ZFAT: variants seen among roughly 807,000 people sequenced by gnomAD.
ZFAT encodes the protein zinc finger protein ZFAT.
In ZFAT, 64 loss-of-function variants were observed where a neutral mutation model predicts 117.7. The ratio of observed to expected loss-of-function variants is 0.54; its 90% CI spans 0.44 to 0.67. The LOEUF (loss-of-function observed/expected upper bound fraction) is 0.67. ZFAT is among the 30% of genes least tolerant of loss of function. ZFAT has a pLI of 0.00. For synonymous variants in ZFAT, 679 were observed against 615.0 expected (o/e 1.10, Z -1.54); for missense variants, 1,433 against 1,584.5 (o/e 0.90, Z 1.62).
intron 3 of ZFAT, among the ~76,000 whole-genome samples, chr8:134,621,401 A>G (rs1030737714): frequency 2.0e-5 from 3 of 152,182 alleles, no homozygotes; most frequent in Non-Finnish European, 2.9e-5. Context: ...CAGTTTACAA[A>G]GCACTGTCTT....
At chr8:134,586,015 C>A (rs1826042725) in intron 9 of ZFAT, among the ~76,000 whole-genome samples, 1 of 151,800 alleles carries the variant, frequency 6.6e-6, no homozygotes, top group South Asian at 2.1e-4. Flanking sequence ...ATTTGTTTTT[C>A]TTGTCCTATG....
chr8:134,808,327 A>G, the ZFAT span, among the ~76,000 whole-genome samples: 1 of 152,170 alleles, frequency 6.6e-6, no homozygotes, highest in African/African-American at 2.4e-5. Flanking sequence ...GAGACCAGAG[A>G]CTCAGCCTCC....
At chr8:134,493,224 AC>A (rs1310393570) in intron 15 of ZFAT, among the ~76,000 whole-genome samples, 1 of 152,098 alleles carries the variant, frequency 6.6e-6, no homozygotes, top group African/African-American at 2.4e-5. Flanking sequence ...ACCGGCCAAC[AC>A]AGCTGCAACC....
At chr8:134,676,255 CAAAAA>C (rs146638821) in intron 1 of ZFAT, among the ~76,000 whole-genome samples, 6 of 80,598 alleles carry the variant, frequency 7.4e-5, no homozygotes, top group South Asian at 4.8e-4. Context: ...AAATGGAAAG[CAAAAA>C]AAAAAAAAAA....
At chr8:134,649,954 G>A (rs1206126335) in intron 2 of ZFAT, among the ~76,000 whole-genome samples, 1 of 152,038 alleles carries the variant, frequency 6.6e-6, no homozygotes, top group Non-Finnish European at 1.5e-5. Context: ...AAGATCTGAT[G>A]GGTTTATAAT....
At chr8:134,682,258 T>C (rs555107915) in intron 1 of ZFAT, among the ~76,000 whole-genome samples, 1 of 152,336 alleles carries the variant, frequency 6.6e-6, no homozygotes, top group Non-Finnish European at 1.5e-5. Flanking sequence ...AGCACGGATA[T>C]TTTACATACC....
At chr8:134,558,306 C>A (rs901374315) in intron 11 of ZFAT, among the ~76,000 whole-genome samples, 2 of 152,200 alleles carry the variant, frequency 1.3e-5, no homozygotes, top group Non-Finnish European at 2.9e-5. Flanking sequence ...ATGGGCCAAG[C>A]CTTCCCAAAG....
At chr8:134,821,270 CA>C in the ZFAT span, among the ~76,000 whole-genome samples, 4 of 149,886 alleles carry the variant, frequency 2.7e-5, no homozygotes, top group African/African-American at 9.8e-5. Flanking sequence ...AAGTAATTCA[CA>C]TGAAAAAAAG....
chr8:134,685,550 G>A (rs1373652439), intron 1 of ZFAT, among the ~76,000 whole-genome samples: 2 of 152,162 alleles, frequency 1.3e-5, no homozygotes, highest in Non-Finnish European at 2.9e-5. Flanking sequence ...GAAAATAACA[G>A]TATGCCAGAT....
intron 10 of ZFAT, among the ~76,000 whole-genome samples, chr8:134,578,170 T>A (rs1825450165): frequency 6.6e-6 from 1 of 152,004 alleles, no homozygotes; most frequent in Non-Finnish European, 1.5e-5. Flanking sequence ...CACAGCACTC[T>A]GGGAGGCTGA....
intron 13 of ZFAT, among the ~76,000 whole-genome samples, chr8:134,519,005 CT>C (rs1820446878): frequency 6.6e-6 from 1 of 152,170 alleles, no homozygotes; most frequent in African/African-American, 2.4e-5. Context: ...ATTAAACCAT[CT>C]GTTCATGCAC....
intron 1 of ZFAT, among the ~76,000 whole-genome samples, chr8:134,665,875 G>A (rs1462979819): frequency 6.6e-6 from 1 of 152,204 alleles, no homozygotes; most frequent in Non-Finnish European, 1.5e-5. Flanking sequence ...AGGTCCTGCA[G>A]GCTGGGCTTG....
the ZFAT span, among the ~76,000 whole-genome samples, chr8:134,780,277 A>G: frequency 1.3e-5 from 2 of 152,228 alleles, no homozygotes; most frequent in African/African-American, 4.8e-5. Flanking sequence ...AGAGGCAACC[A>G]GTGTGAATGT....
At chr8:134,667,002 T>G (rs913288439) in intron 1 of ZFAT, among the ~76,000 whole-genome samples, 2 of 152,060 alleles carry the variant, frequency 1.3e-5, no homozygotes, top group African/African-American at 4.8e-5. Context: ...TGGATGAAGG[T>G]GGAAACCATC....
intron 1 of ZFAT, among the ~76,000 whole-genome samples, chr8:134,707,943 C>T (rs1235700332): frequency 6.6e-6 from 1 of 152,228 alleles, no homozygotes; most frequent in East Asian, 1.9e-4. Flanking sequence ...GAATCGGCCT[C>T]AGTGGCCAAC....
intron 1 of ZFAT, among the ~76,000 whole-genome samples, chr8:134,661,430 G>T (rs1357741822): frequency 1.3e-5 from 2 of 152,226 alleles, no homozygotes; most frequent in South Asian, 4.1e-4. Context: ...GAGGCCCCAC[G>T]TGCCTGAGCT....
At chr8:134,785,851 G>C in the ZFAT span, 1 of 151,818 alleles carries the variant, frequency 6.6e-6, no homozygotes, top group Non-Finnish European at 1.5e-5. Context: ...AAGTTTTGTT[G>C]AGAATTTGAT....
chr8:134,721,374 C>T, the ZFAT span, among the ~76,000 whole-genome samples: 1 of 152,196 alleles, frequency 6.6e-6, no homozygotes, highest in Non-Finnish European at 1.5e-5. Context: ...ACCACTGATG[C>T]TGCTGTAAGA....
chr8:134,563,581 A>G (rs1163611884), intron 11 of ZFAT, among the ~76,000 whole-genome samples: 4 of 152,234 alleles, frequency 2.6e-5, no homozygotes, highest in Non-Finnish European at 4.4e-5. Context: ...AGGTGAGTCA[A>G]TATCATCATG....
Sources: gnomAD v4.1 joint callset for allele counts (sites outside exome capture counted in the v4.1 genomes callset) on GRCh38, gnomAD v4.1.1 for gene constraint, MANE v1.5 for transcripts, NCBI Gene and HGNC (gene_info 2026-07-23, HGNC 2026-07-21) for gene names.